Variants in FER1L5 observed in about 807,000 individuals in gnomAD.
FER1L5 encodes fer-1-like protein 5.
FER1L5 carries 187 observed loss-of-function variants against 279.9 expected under a neutral mutation model. The ratio of observed to expected loss-of-function variants is 0.67; its 90% confidence interval spans 0.59 to 0.75. FER1L5 has a LOEUF of 0.75. FER1L5 is among the 30% of genes least tolerant of loss of function. FER1L5 has a pLI of 0.00. For synonymous variants in FER1L5, 921 were observed against 989.7 expected, an observed-to-expected ratio of 0.93 and a Z score of 1.30; for missense variants, 2,091 against 2,594.4, an observed-to-expected ratio of 0.81 and a Z score of 4.21.
In FER1L5 at chr2:96,691,729, G is replaced by A. The variant is rs71427090; in HGVS notation, c.3076-96G>A. 1,368 of 1,550,386 alleles carry A rather than the reference G, an allele frequency of 8.8e-4. 3 individuals carry two copies. Among genetic ancestry groups the A allele is most frequent in the Non-Finnish European group, 1.1e-3 (1,287 of 1,146,502 alleles). On this transcript the variant is annotated intron_variant, in intron 29 of 52. Coordinates refer to ENST00000624922, the MANE Select transcript of FER1L5 (RefSeq NM_001293083.2). The surrounding 1 kb of genome is among the most constrained non-coding windows in gnomAD (Gnocchi z 6.0). ...AAGGGCCTCTGTTCCTCAGGCTTGC[G>A]AGGGTGGCAGTGTGAGGGAGGAGGG...
rs1327439491 is a variant in FER1L5, at chr2:96,703,713, G to A, written c.5801+81G>A. 4 of 1,279,022 alleles carry A rather than the reference G, an allele frequency of 3.1e-6. No homozygotes were observed. The Admixed American group carries it at 7.3e-5, about 23-fold the overall frequency. 79.2% of individuals were successfully genotyped at this position (1,279,022 alleles called of 1,614,324 possible). ...GGTGGTGACCAGTGGGCCTATCATG[G>A]AGAGGTGGTAATTACCTCCCACCCC... is the stretch of plus-strand genomic sequence containing the variant. On this transcript the variant is annotated intron_variant, in intron 51 of 52. Transcript: ENST00000624922.
At chr2:96,663,956 T>C (rs775271785) in intron 14 of FER1L5, among the ~76,000 whole-genome samples, 1 of 151,254 alleles carries the variant, frequency 6.6e-6, no homozygotes, top group Non-Finnish European at 1.5e-5. Flanking sequence ...GGCAGGAGAG[T>C]TGCTTGAACC....
At chr2:96,677,582 C>T (rs546614070) in intron 19 of FER1L5, among the ~76,000 whole-genome samples, 1 of 152,082 alleles carries the variant, frequency 6.6e-6, no homozygotes, top group Admixed American at 6.6e-5. Flanking sequence ...AAGAATAAAG[C>T]TGCCCGGGCA....
At chr2:96,661,839 C>A in intron 12 of FER1L5, 48 bp downstream of exon 12, 1 of 1,548,386 alleles carries the variant, frequency 6.5e-7, no homozygotes, top group Non-Finnish European at 8.7e-7. Flanking sequence ...ATTCCCTACA[C>A]GGTGATACCC....
At chr2:96,700,266 G>C (rs2077542496) in intron 44 of FER1L5, 66 bp from the exon 45 acceptor site, 1 of 1,601,366 alleles carries the variant, frequency 6.2e-7, no homozygotes, top group Non-Finnish European at 8.5e-7. Flanking sequence ...GAGGGTAAGA[G>C]CCTACCTAGG....
At chr2:96,655,582 T>A (rs1158621166) in intron 9 of FER1L5, among the ~76,000 whole-genome samples, 2 of 152,174 alleles carry the variant, frequency 1.3e-5, no homozygotes, top group South Asian at 4.1e-4. Context: ...AGACAGAGAT[T>A]CTAGAAATGT....
At chr2:96,703,733 C>A in intron 51 of FER1L5, 101 bp downstream of exon 51, 2 of 967,678 alleles carry the variant, frequency 2.1e-6, no homozygotes, top group Non-Finnish European at 3.2e-6. Context: ...AATTACCTCC[C>A]ACCCCACAGC....
chr2:96,647,670 C>G (rs1319385325), intron 3 of FER1L5, 108 bp from the exon 4 acceptor site: 1 of 767,244 alleles, frequency 1.3e-6, no homozygotes, highest in Non-Finnish European at 2.2e-6. Flanking sequence ...TCTCTGAGGA[C>G]AGCACAGCCC....
chr2:96,693,684 C>G lies in FER1L5; in HGVS notation c.3471C>G (p.Phe1157Leu). ...LVVLELWQRD[F>L]WGKESLWGRS... is the part of the protein sequence containing the mutation. ...TGCTGGAGCTGTGGCAGCGTGACTTCTGGGTAAGTTGGGCTGGGCAGAGCA... is the reference window on the plus strand; with the variant it reads ...TGCTGGAGCTGTGGCAGCGTGACTTGTGGGTAAGTTGGGCTGGGCAGAGCA... Residue 1157 changes from phenylalanine to leucine, a missense_variant, in exon 32 of 53, where the codon TTC becomes TTG. Phe to Leu is a conservative substitution (Grantham distance 22, BLOSUM62 0). Transcript: ENST00000624922. 8 of 1,551,086 alleles carry G rather than the reference C, an allele frequency of 5.2e-6. No homozygotes were observed. Among genetic ancestry groups the G allele is most frequent in the Non-Finnish European group, 7.0e-6 (8 of 1,146,622 alleles).
intron 9 of FER1L5, among the ~76,000 whole-genome samples, chr2:96,657,038 T>C (rs1170739332): frequency 2.0e-5 from 3 of 150,016 alleles, no homozygotes. Context: ...GAATTTCTAT[T>C]CTGTTTTTTT....
At position 96,691,860 on chromosome 2, in the gene FER1L5, G is replaced by A. The variant is rs779308052; in HGVS notation, c.3111G>A (p.Glu1037=). ...TGAAATACCACGCTGGGAAGGAAGAGGACAGCAAGACATGGCCATGGGGTC... is the reference window on the plus strand; with the variant it reads ...TGAAATACCACGCTGGGAAGGAAGAAGACAGCAAGACATGGCCATGGGGTC... ...MDLKYHAGKE[E]DSKTWPWGLD... is the part of the protein sequence containing the mutation. The change falls in exon 30 of 53, where the codon GAG becomes GAA. Residue 1037 remains glutamate (E), a synonymous_variant. Transcript: ENST00000624922. The surrounding 1 kb of genome is among the most constrained non-coding windows in gnomAD (Gnocchi z 6.0). 1 of 1,551,614 alleles carries A rather than the reference G, an allele frequency of 6.4e-7. No homozygotes were observed. The highest frequency in any genetic ancestry group is 1.7e-4 in the Middle Eastern group (1 of 5,992).
At chr2:96,646,353 G>A (rs1016688080) in intron 1 of FER1L5, 48 bp from the exon 2 acceptor site, 17 of 1,547,376 alleles carry the variant, frequency 1.1e-5, no homozygotes, top group Middle Eastern at 1.7e-4. Flanking sequence ...CAACCCAGAC[G>A]TTGAAATATT....
At chr2:96,680,630 T>A (rs1035953356) in intron 19 of FER1L5, among the ~76,000 whole-genome samples, 2 of 152,206 alleles carry the variant, frequency 1.3e-5, no homozygotes, top group Non-Finnish European at 2.9e-5. Context: ...TGACACACTG[T>A]ATTTTACATA....
rs747468079 is a variant in FER1L5 at position 96,661,735 on chromosome 2, C to G, written c.962C>G (p.Pro321Arg). 2 of 1,551,688 alleles carry G rather than the reference C, an allele frequency of 1.3e-6. No homozygotes were observed. The highest frequency in any genetic ancestry group is 2.4e-5 in the East Asian group (1 of 40,920). The part of the protein sequence containing the change: ...DIQIFKSAVV[P>R]INMAYLQLFI... ...CAGATCTTCAAGTCAGCGGTAGTCCCGATCAACATGGCTTACTTACAGCTC... is the reference window on the plus strand; with the variant it reads ...CAGATCTTCAAGTCAGCGGTAGTCCGGATCAACATGGCTTACTTACAGCTC... Residue 321 changes from proline (P) to arginine (R), a missense_variant, in exon 12 of 53, where the codon CCG becomes CGG. By Grantham distance (103) the Pro-to-Arg change is moderately radical (BLOSUM62 -2). Transcript: ENST00000624922.
intron 19 of FER1L5, among the ~76,000 whole-genome samples, chr2:96,678,947 C>A (rs994510933): frequency 6.6e-6 from 1 of 152,046 alleles, no homozygotes; most frequent in Admixed American, 6.6e-5. Context: ...TTTGAAGTGC[C>A]AACATTTTTA....
At chr2:96,662,403 C>G in intron 13 of FER1L5, 136 bp downstream of exon 13, 2 of 812,346 alleles carry the variant, frequency 2.5e-6, no homozygotes, top group South Asian at 3.1e-5. Context: ...CACCCCTGCA[C>G]CTGGAACTCT....
Position 96,695,622 on chromosome 2 carries a change from C to T in FER1L5, c.3855C>T (p.Pro1285=). The change falls in exon 35 of 53, where the codon CCC becomes CCT. Residue 1285 remains proline (P), a synonymous_variant. Transcript: ENST00000624922. Reference sequence around the variant, plus strand: ...CCATCAGGGACTTTCAGACCAACCCCAACTTCCCCGAGTCTGAGTCTGTCC... The same window carrying T: ...CCATCAGGGACTTTCAGACCAACCCTAACTTCCCCGAGTCTGAGTCTGTCC... The part of the protein sequence containing the change: ...TEPIRDFQTN[P]NFPESESVLV... 1 of 1,605,062 alleles carries T rather than the reference C, an allele frequency of 6.2e-7. No individual in the cohort carries two copies. The highest frequency in any genetic ancestry group is 8.5e-7 in the Non-Finnish European group (1 of 1,175,786).
Position 96,698,743 on chromosome 2 carries a change from C to T in FER1L5, c.4429C>T (p.Pro1477Ser). The T allele has an allele frequency of 1.3e-6, 2 of 1,575,992 alleles. No individual in the cohort carries two copies. Among genetic ancestry groups the T allele is most frequent in the South Asian group, 1.2e-5 (1 of 85,512 alleles). ...GCCCCCGCTGCAGTTCTTGGTTTGG[C>T]CAGAGAGAGAGGACTTCCCCCAGCC... ...PKPPLQFLVW[P>S]EREDFPQPCL... Residue 1477 changes from proline (P) to serine (S), a missense_variant, in exon 41 of 53, where the codon CCA (proline) becomes TCA (serine). By Grantham distance (74) the Pro-to-Ser change is moderately conservative (BLOSUM62 -1). Coordinates refer to ENST00000624922, the MANE Select transcript of FER1L5 (RefSeq NM_001293083.2). This position sits in a 1 kb window ranked among gnomAD's most constrained non-coding sequence, Gnocchi z 5.5.
intron 18 of FER1L5, among the ~76,000 whole-genome samples, chr2:96,671,859 T>C (rs1034936639): frequency 6.6e-6 from 1 of 152,074 alleles, no homozygotes; most frequent in African/African-American, 2.4e-5. Context: ...CTGAGAGATA[T>C]CTGCTGGTTA....
Sources: gnomAD v4.1 joint callset for allele counts (sites outside exome capture counted in the v4.1 genomes callset) on GRCh38, gnomAD v4.1.1 for gene constraint, Gnocchi (gnomAD v3.1) non-coding constraint, MANE v1.5 for transcripts, NCBI Gene and HGNC (gene_info 2026-07-23, HGNC 2026-07-21) for gene names.